LRRC14: variants seen among roughly 807,000 people sequenced by gnomAD.
LRRC14 encodes leucine rich repeat containing 14.
Under a neutral mutation model 25.3 loss-of-function variants are expected in LRRC14, and 16 were observed. The observed-to-expected ratio is 0.63, with a 90% CI of 0.43 to 0.96. The LOEUF (loss-of-function observed/expected upper bound fraction) is 0.96. LRRC14 is among the 40% of genes least tolerant of loss of function. The pLI, the probability that LRRC14 is intolerant of heterozygous loss-of-function variation, is 0.00. For synonymous variants in LRRC14, 359 were observed against 295.1 expected, an observed-to-expected ratio of 1.22 and a Z score of -2.22; for missense variants, 594 against 660.5, an observed-to-expected ratio of 0.90 and a Z score of 1.10.
At position 144,520,462 on chromosome 8, in the gene LRRC14, T is replaced by G. The variant is rs1257741961; in HGVS notation, c.554T>G (p.Leu185Arg). Residue 185 changes from leucine (L) to arginine (R), a missense_variant, in exon 3 of 4, where the codon CTC becomes CGC. Physicochemically the swap from Leu to Arg is moderately radical, Grantham distance 102. Coordinates refer to ENST00000292524, the MANE Select transcript of LRRC14 (RefSeq NM_014665.4). The part of the protein sequence containing the change: ...RASYAFLREA[L>R]RSSVGSPLRL... Reference sequence around the variant, plus strand: ...TCCTATGCGTTCCTGCGGGAGGCACTCCGAAGCAGCGTGGGCAGCCCGCTG... The same window carrying G: ...TCCTATGCGTTCCTGCGGGAGGCACGCCGAAGCAGCGTGGGCAGCCCGCTG... 2.5e-6 allele frequency: 4 copies of G among 1,597,390 alleles called. No homozygotes were observed. The highest frequency in any genetic ancestry group is 3.4e-6 in the Non-Finnish European group (4 of 1,176,112).
chr8:144,520,389 G>C lies in LRRC14; in HGVS notation c.481G>C (p.Ala161Pro). The change falls in exon 3 of 4, where the codon GCC (alanine) becomes CCC (proline). Residue 161 changes from alanine (A) to proline (P), a missense_variant. Physicochemically the swap from Ala to Pro is conservative, Grantham distance 27 (BLOSUM62 -1). Coordinates refer to ENST00000292524, the MANE Select transcript of LRRC14 (RefSeq NM_014665.4). ...QQGGAAEPGP[A>P]PIPVEVRVDL... is the part of the protein sequence containing the mutation. ...GGGTGGGGCCGCAGAGCCTGGGCCA[G>C]CCCCCATCCCCGTGGAGGTGCGCGT... 1 of 1,608,958 alleles carries C rather than the reference G, an allele frequency of 6.2e-7. No individual in the cohort carries two copies. The highest frequency in any genetic ancestry group is 1.3e-5 in the African/African-American group (1 of 75,066).
chr8:144,521,446 G>A lies in LRRC14; in HGVS notation c.1450G>A (p.Gly484Arg), dbSNP rs1035591014. The change falls in exon 4 of 4, where the codon GGG becomes AGG. Residue 484 changes from glycine (G) to arginine (R), a missense_variant. Gly to Arg is a moderately radical substitution (Grantham distance 125). Transcript: ENST00000292524. ...AHVLWTTDIY[G>R]RLAADYFSL ...TGTGCTCTGGACCACGGACATCTAC[G>A]GGCGACTGGCTGCGGACTACTTCAG... is the stretch of plus-strand genomic sequence containing the variant. 5.6e-6 allele frequency: 9 copies of A among 1,605,902 alleles called. No homozygotes were observed. The highest frequency in any genetic ancestry group is 1.3e-5 in the African/African-American group (1 of 75,042).
chr8:144,524,428 C>T lies in LRRC14; in HGVS notation c.*2950C>T, dbSNP rs906757115. ...AATGGAGTATCCCGCCCCTTTAGAC[C>T]CCAGGCGCTCACCGGCAGGTGCAAG... On this transcript the variant is annotated 3_prime_UTR_variant, in exon 4 of 4. Coordinates refer to ENST00000292524, the MANE Select transcript of LRRC14 (RefSeq NM_014665.4). 5.0e-6 allele frequency: 8 copies of T among 1,597,474 alleles called. No individual in the cohort carries two copies. The highest frequency in any genetic ancestry group is 6.8e-6 in the Non-Finnish European group (8 of 1,179,732).
rs1195047570 is a variant in LRRC14 at position 144,522,581 on chromosome 8, A to G, written c.*1103A>G. Reference sequence around the variant, plus strand: ...CGCCTCCGCCGGACCCTCGGCGAAGAGCGGCTTGGAGCGGTTGATGACGAA... The same window carrying G: ...CGCCTCCGCCGGACCCTCGGCGAAGGGCGGCTTGGAGCGGTTGATGACGAA... On this transcript the variant is annotated 3_prime_UTR_variant, in exon 4 of 4. Coordinates refer to ENST00000292524, the MANE Select transcript of LRRC14 (RefSeq NM_014665.4). 6.4e-7 allele frequency: 1 copy of G among 1,552,328 alleles called. No homozygotes were observed. Among genetic ancestry groups the G allele is most frequent in the Non-Finnish European group, 8.7e-7 (1 of 1,151,878 alleles).
Position 144,523,119 on chromosome 8 carries a change from G to T in LRRC14, c.*1641G>T, listed in dbSNP as rs774339548. Reference sequence around the variant, plus strand: ...GCCTGGGCTCGCGGCCGGCCCTCGCGAGGCTGGGGCACCTTTCTCCAGGTC... The same window carrying T: ...GCCTGGGCTCGCGGCCGGCCCTCGCTAGGCTGGGGCACCTTTCTCCAGGTC... On this transcript the variant is annotated 3_prime_UTR_variant, in exon 4 of 4. Transcript: ENST00000292524. The T allele has an allele frequency of 1.9e-6, 3 of 1,609,662 alleles. No homozygotes were observed. The Admixed American group carries it at 5.0e-5, about 27-fold the overall frequency.
At position 144,522,987 on chromosome 8, in the gene LRRC14, C is replaced by G. The variant is rs921998630; in HGVS notation, c.*1509C>G. 9 of 1,595,344 alleles carry G rather than the reference C, an allele frequency of 5.6e-6. No individual in the cohort carries two copies. Among genetic ancestry groups the G allele is most frequent in the South Asian group, 3.3e-5 (3 of 90,574 alleles). On this transcript the variant is annotated 3_prime_UTR_variant, in exon 4 of 4. Transcript: ENST00000292524. Reference sequence around the variant, plus strand: ...CCGCCGGCGTTGGAGGCCTCGCACTCGTACTTACCGGCGTGCGCCAGCGTG... The same window carrying G: ...CCGCCGGCGTTGGAGGCCTCGCACTGGTACTTACCGGCGTGCGCCAGCGTG...
rs1586854003 is a variant in LRRC14 at position 144,522,951 on chromosome 8, C to CG, written c.*1474dup. ...GCGTTGACCAGGAGCCGGAAGGGCA[C>CG]GCGGGCAGCGCCGCCGGCGTTGGAG... is the stretch of plus-strand genomic sequence containing the variant. On this transcript the variant is annotated 3_prime_UTR_variant, in exon 4 of 4. Coordinates refer to ENST00000292524, the MANE Select transcript of LRRC14 (RefSeq NM_014665.4). The CG allele has an allele frequency of 6.4e-7, 1 of 1,571,546 alleles. No homozygotes were observed. Among genetic ancestry groups the CG allele is most frequent in the Non-Finnish European group, 8.6e-7 (1 of 1,166,850 alleles).
rs534786173 is a variant in LRRC14 at position 144,522,713 on chromosome 8, G to C, written c.*1235G>C. 1.3e-6 allele frequency: 2 copies of C among 1,595,296 alleles called. No individual in the cohort carries two copies. The highest frequency in any genetic ancestry group is 1.7e-6 in the Non-Finnish European group (2 of 1,172,094). On this transcript the variant is annotated 3_prime_UTR_variant, in exon 4 of 4. Coordinates refer to ENST00000292524, the MANE Select transcript of LRRC14 (RefSeq NM_014665.4). ...CGCTCCCTCCCCCGGAGGCCCCCGCGCCTTTTTTCGCCTGCGGCGCCGGCG... is the reference window on the plus strand; with the variant it reads ...CGCTCCCTCCCCCGGAGGCCCCCGCCCCTTTTTTCGCCTGCGGCGCCGGCG...
intron 2 of LRRC14, 89 bp downstream of exon 2, chr8:144,520,143 T>C (rs1451366382): frequency 1.3e-6 from 2 of 1,567,524 alleles, no homozygotes; most frequent in South Asian, 1.1e-5. Flanking sequence ...CAAGAGCTCA[T>C]GCAGGAGCAG....
Position 144,524,684 on chromosome 8 carries a change from T to C in LRRC14, c.*3206T>C. On this transcript the variant is annotated 3_prime_UTR_variant, in exon 4 of 4. Transcript: ENST00000292524. ...CGAGTGGCGCCAGGGCTCCCGGCTCTAGGCGGGCGATGTTGTTGTCCTGCA... is the reference window on the plus strand; with the variant it reads ...CGAGTGGCGCCAGGGCTCCCGGCTCCAGGCGGGCGATGTTGTTGTCCTGCA... 6 of 1,473,214 alleles carry C rather than the reference T, an allele frequency of 4.1e-6. No individual in the cohort carries two copies. The highest frequency in any genetic ancestry group is 2.7e-5 in the Admixed American group (1 of 37,418). The allele number at this position is 1,473,214 out of a possible 1,614,324, so 91.3% of individuals were successfully genotyped here. A position where few individuals can be genotyped will look rare whatever the true frequency, so the allele number is the denominator to read the frequency against.
rs1816207423 is a variant in LRRC14 at position 144,523,352 on chromosome 8, C to T, written c.*1874C>T. ...CCTGGAGGTGAGCAGCCGCTGGCCGCCCTCCTTGATCCAGGCACCCAGCCA... is the reference window on the plus strand; with the variant it reads ...CCTGGAGGTGAGCAGCCGCTGGCCGTCCTCCTTGATCCAGGCACCCAGCCA... On this transcript the variant is annotated 3_prime_UTR_variant, in exon 4 of 4. Transcript: ENST00000292524. 4 of 1,583,206 alleles carry T rather than the reference C, an allele frequency of 2.5e-6. No homozygotes were observed. The African/African-American group carries it at 5.4e-5, about 21-fold the overall frequency.
chr8:144,520,863 G>A (rs376425092), intron 3 of LRRC14, 41 bp downstream of exon 3: 1 of 1,594,576 alleles, frequency 6.3e-7, no homozygotes, highest in Non-Finnish European at 8.5e-7. Context: ...CCCTTCTGTA[G>A]GGACCCTCCC....
Position 144,522,670 on chromosome 8 carries a change from G to A in LRRC14, c.*1192G>A, listed in dbSNP as rs1440603347. 3.1e-6 allele frequency: 5 copies of A among 1,595,552 alleles called. No individual in the cohort carries two copies. Among genetic ancestry groups the A allele is most frequent in the Admixed American group, 3.4e-5 (2 of 58,302 alleles). ...GTGCGAACGTACAGGGGCCGTCCAAGTAGTCGTTGACGAACAGCGCTCCCT... is the reference window on the plus strand; with the variant it reads ...GTGCGAACGTACAGGGGCCGTCCAAATAGTCGTTGACGAACAGCGCTCCCT... On this transcript the variant is annotated 3_prime_UTR_variant, in exon 4 of 4. Transcript: ENST00000292524.
In LRRC14 at chr8:144,522,548, T is replaced by C; in HGVS notation, c.*1070T>C. On this transcript the variant is annotated 3_prime_UTR_variant, in exon 4 of 4. Coordinates refer to ENST00000292524, the MANE Select transcript of LRRC14 (RefSeq NM_014665.4). ...CCCCGCCCCCTGTTCCGGGCCGCAG[T>C]CAGCGGGCGCCTCCGCCGGACCCTC... is the stretch of plus-strand genomic sequence containing the variant. The C allele has an allele frequency of 6.5e-7, 1 of 1,532,434 alleles. No individual in the cohort carries two copies. 94.9% of individuals were successfully genotyped at this position (1,532,434 alleles called of 1,614,324 possible).
Position 144,524,424 on chromosome 8 carries a change from A to G in LRRC14, c.*2946A>G. The stretch of plus-strand genomic sequence containing the variant: ...CCATAATGGAGTATCCCGCCCCTTT[A>G]GACCCCAGGCGCTCACCGGCAGGTG... On this transcript the variant is annotated 3_prime_UTR_variant, in exon 4 of 4. Coordinates refer to ENST00000292524, the MANE Select transcript of LRRC14 (RefSeq NM_014665.4). 3.8e-6 allele frequency: 6 copies of G among 1,597,244 alleles called. No homozygotes were observed. The highest frequency in any genetic ancestry group is 1.7e-5 in the Admixed American group (1 of 59,728).
chr8:144,521,354 A>G lies in LRRC14; in HGVS notation c.1358A>G (p.Asn453Ser), dbSNP rs1339210848. The G allele has an allele frequency of 1.2e-6, 2 of 1,612,868 alleles. No homozygotes were observed. Among genetic ancestry groups the G allele is most frequent in the Non-Finnish European group, 1.7e-6 (2 of 1,179,990 alleles). Reference protein sequence around the residue: ...PASVLLEASINEEKFARVEAE... With the variant: ...PASVLLEASISEEKFARVEAE... ...TCTGTCCTGCTGGAGGCCTCCATCA[A>G]TGAGGAGAAGTTTGCCCGCGTAGAA... Residue 453 changes from asparagine (N) to serine (S), a missense_variant, in exon 4 of 4, where the codon AAT becomes AGT. Coordinates refer to ENST00000292524, the MANE Select transcript of LRRC14 (RefSeq NM_014665.4).
rs111239215 is a variant in LRRC14 at position 144,522,969 on chromosome 8, C to T, written c.*1491C>T. On this transcript the variant is annotated 3_prime_UTR_variant, in exon 4 of 4. Coordinates refer to ENST00000292524, the MANE Select transcript of LRRC14 (RefSeq NM_014665.4). Reference sequence around the variant, plus strand: ...AAGGGCACGCGGGCAGCGCCGCCGGCGTTGGAGGCCTCGCACTCGTACTTA... The same window carrying T: ...AAGGGCACGCGGGCAGCGCCGCCGGTGTTGGAGGCCTCGCACTCGTACTTA... The T allele has an allele frequency of 1.9e-6, 3 of 1,586,044 alleles. No individual in the cohort carries two copies. The East Asian group carries it at 6.9e-5, about 36-fold the overall frequency.
In LRRC14 at chr8:144,524,354, A is replaced by G; in HGVS notation, c.*2876A>G. 3.1e-6 allele frequency: 5 copies of G among 1,595,818 alleles called. No homozygotes were observed. The highest frequency in any genetic ancestry group is 4.2e-6 in the Non-Finnish European group (5 of 1,177,280). The stretch of plus-strand genomic sequence containing the variant: ...CATGTCTCTCTTCTTACCAAGCTAG[A>G]CTGGGTTGCCTTTTCTAACTATTCC... On this transcript the variant is annotated 3_prime_UTR_variant, in exon 4 of 4. Transcript: ENST00000292524.
chr8:144,524,374 T>C lies in LRRC14; in HGVS notation c.*2896T>C. 1.3e-6 allele frequency: 2 copies of C among 1,593,584 alleles called. No homozygotes were observed. Among genetic ancestry groups the C allele is most frequent in the East Asian group, 2.2e-5 (1 of 44,762 alleles). The stretch of plus-strand genomic sequence containing the variant: ...GCTAGACTGGGTTGCCTTTTCTAAC[T>C]ATTCCAGCCCTACAGGGCGAGGGGC... On this transcript the variant is annotated 3_prime_UTR_variant, in exon 4 of 4. Transcript: ENST00000292524.
Sources: gnomAD v4.1 joint callset for allele counts on GRCh38, gnomAD v4.1.1 for gene constraint, MANE v1.5 for transcripts, NCBI Gene and HGNC (gene_info 2026-07-23, HGNC 2026-07-21) for gene names.